ZNF385C: variants seen among roughly 807,000 people sequenced by gnomAD.
ZNF385C encodes the protein zinc finger protein 385C.
ZNF385C carries 28 observed loss-of-function variants against 35.4 expected under a neutral mutation model. The observed-to-expected ratio is 0.79, with a 90% CI of 0.59 to 1.08. The LOEUF is 1.08. Among genes scored for constraint, ZNF385C ranks in the 50% least tolerant of loss-of-function variants. The pLI is 0.00. For missense variants in ZNF385C, 605 were observed against 595.6 expected (o/e 1.02, Z -0.16); for synonymous variants, 248 against 248.2 (o/e 1.00, Z 0.01).
chr17:42,048,412 G>T (rs1233968561), intron 2 of ZNF385C, among the ~76,000 whole-genome samples: 3 of 151,528 alleles, frequency 2.0e-5, no homozygotes, highest in Admixed American at 1.3e-4. Context: ...GGTCATGGTG[G>T]CATATGCCTA....
chr17:42,051,713 G>T (rs1468612892), intron 2 of ZNF385C, among the ~76,000 whole-genome samples: 1 of 152,076 alleles, frequency 6.6e-6, no homozygotes, highest in African/African-American at 2.4e-5. Context: ...ATGCCTTCCA[G>T]TCCCCTCACA....
At chr17:42,037,355 AACT>A (rs1555655573) in intron 3 of ZNF385C, among the ~76,000 whole-genome samples, 3 of 149,384 alleles carry the variant, frequency 2.0e-5, no homozygotes, top group Non-Finnish European at 4.4e-5. Context: ...AACCTATAGA[AACT>A]ACAACAAAAA....
intron 1 of ZNF385C, among the ~76,000 whole-genome samples, chr17:42,067,583 G>T (rs781944221): frequency 6.6e-6 from 1 of 152,152 alleles, no homozygotes; most frequent in Non-Finnish European, 1.5e-5. Context: ...GCCACACCAC[G>T]GGTCCAGGGT....
chr17:42,084,791 T>G (rs1432565752), intron 1 of ZNF385C, among the ~76,000 whole-genome samples: 4 of 151,268 alleles, frequency 2.6e-5, no homozygotes, highest in Non-Finnish European at 5.9e-5. Context: ...AAAAAAAAAT[T>G]TTTTTTTTAG....
chr17:42,093,798 G>A (rs1044051379), intron 1 of ZNF385C, among the ~76,000 whole-genome samples: 2 of 151,858 alleles, frequency 1.3e-5, no homozygotes, highest in Non-Finnish European at 2.9e-5. Context: ...TGGCCAGGCT[G>A]ATCTCTAACT....
At chr17:42,075,695 C>T (rs930461867) in intron 1 of ZNF385C, among the ~76,000 whole-genome samples, 3 of 152,128 alleles carry the variant, frequency 2.0e-5, no homozygotes, top group South Asian at 2.1e-4. Flanking sequence ...AGGGTTTCAC[C>T]GTGTTAGCCA....
chr17:42,028,952 G>A lies in ZNF385C; in HGVS notation c.798C>T (p.Cys266=). The A allele has an allele frequency of 6.4e-7, 1 of 1,550,652 alleles. No homozygotes were observed. Among genetic ancestry groups the A allele is most frequent in the African/African-American group, 1.4e-5 (1 of 73,196 alleles). ...TCCCAGGCTCTGGGGAGCAAGGTGG[G>A]CAGGAGGAAGAAGAGGATGAGGAGG... ...DAASSSSSSS[C]PPCSPEPGRE... The change falls in exon 6 of 9, where the codon TGC becomes TGT. Residue 266 remains cysteine (C), a synonymous_variant. Coordinates refer to ENST00000692273, the MANE Select transcript of ZNF385C (RefSeq NM_001392013.1).
In ZNF385C at chr17:42,066,279, C is replaced by T. The variant is rs578040742; in HGVS notation, c.-2-3221G>A. On this transcript the variant is annotated intron_variant, in intron 1 of 8. Coordinates refer to ENST00000692273, the MANE Select transcript of ZNF385C (RefSeq NM_001392013.1). ...TTCACAATGTTGGCCAGGATGGTCT[C>T]GATCTCTTGACTTCGTGATCCGCCC... Among the ~76,000 whole-genome samples the T allele has an allele frequency of 1.5e-4, 23 of 151,804 alleles. No homozygotes were observed. The South Asian group carries it at 4.6e-3, about 30-fold the overall frequency.
chr17:42,093,168 C>T (rs911369652), intron 1 of ZNF385C, among the ~76,000 whole-genome samples: 4 of 145,102 alleles, frequency 2.8e-5, no homozygotes, highest in South Asian at 2.4e-4. Flanking sequence ...ACAGGCCCCT[C>T]GGCCTGGGGC....
intron 2 of ZNF385C, among the ~76,000 whole-genome samples, chr17:42,046,416 G>A (rs2053161959): frequency 1.3e-5 from 2 of 151,610 alleles, no homozygotes; most frequent in Non-Finnish European, 2.9e-5. Context: ...AACATAAGGA[G>A]ACCTTGTCTT....
At chr17:42,092,178 TC>T (rs1243464497) in intron 1 of ZNF385C, among the ~76,000 whole-genome samples, 1 of 152,118 alleles carries the variant, frequency 6.6e-6, no homozygotes, top group Non-Finnish European at 1.5e-5. Context: ...GGTGGGTGGA[TC>T]ACCTGAGCTC....
At chr17:42,092,054 T>C (rs2053868077) in intron 1 of ZNF385C, among the ~76,000 whole-genome samples, 2 of 152,192 alleles carry the variant, frequency 1.3e-5, no homozygotes, top group African/African-American at 2.4e-5. Flanking sequence ...TGCTAGAAGA[T>C]TGATTCTGCG....
At chr17:42,038,180 G>C in intron 2 of ZNF385C, 1 of 975,130 alleles carries the variant, frequency 1.0e-6, no homozygotes, top group Non-Finnish European at 1.5e-6. Flanking sequence ...GCCAAGAGAG[G>C]GACAGAGGGG....
chr17:42,038,210 A>G (rs2052911567), intron 2 of ZNF385C: 3 of 664,692 alleles, frequency 4.5e-6, no homozygotes. Flanking sequence ...GCCCTGACAC[A>G]CACACCACCA....
chr17:42,078,999 A>T (rs1413704226), intron 1 of ZNF385C, among the ~76,000 whole-genome samples: 1 of 151,964 alleles, frequency 6.6e-6, no homozygotes, highest in African/African-American at 2.4e-5. Flanking sequence ...ACAATGCCTA[A>T]TAATAACTCC....
At position 42,037,764 on chromosome 17, in the gene ZNF385C, C is replaced by G; in HGVS notation, c.372G>C (p.Pro124=). The G allele has an allele frequency of 6.5e-7, 1 of 1,534,974 alleles. No homozygotes were observed. The highest frequency in any genetic ancestry group is 2.1e-5 in the Admixed American group (1 of 48,752). The change falls in exon 3 of 9, where the codon CCG becomes CCC. Residue 124 remains proline (P), a synonymous_variant. Coordinates refer to ENST00000692273, the MANE Select transcript of ZNF385C (RefSeq NM_001392013.1). ...TGCTGAAGTTGGGGAAGAGACTGAG[C>G]GGGGCAGCGCCATTGAAGTGGAAGG... ...LLAFHFNGAA[P]LSLFPNFSTM...
At chr17:42,040,724 C>A in intron 2 of ZNF385C, 6 of 1,232,362 alleles carry the variant, frequency 4.9e-6, no homozygotes, top group Non-Finnish European at 6.1e-6. Flanking sequence ...TCCAGTGCTG[C>A]CCGGAGCTCA....
intron 7 of ZNF385C, 139 bp downstream of exon 7, chr17:42,027,911 C>T: frequency 7.9e-7 from 1 of 1,263,052 alleles, no homozygotes; most frequent in South Asian, 1.4e-5. Flanking sequence ...CCTTAATTGG[C>T]CCACTGGCCT....
chr17:42,093,467 C>G (rs918787176), intron 1 of ZNF385C, among the ~76,000 whole-genome samples: 3 of 152,166 alleles, frequency 2.0e-5, no homozygotes, highest in Middle Eastern at 3.2e-3. Flanking sequence ...GACCCTGGGC[C>G]TCATCACTGA....
Sources: allele counts gnomAD v4.1 joint callset (sites outside exome capture counted in the v4.1 genomes callset), GRCh38; gene constraint gnomAD v4.1.1; transcripts MANE v1.5; gene names NCBI Gene and HGNC (gene_info 2026-07-23, HGNC 2026-07-21).